Variants in NCKAP5 observed in about 807,000 individuals in gnomAD.
The protein encoded by NCKAP5 is nck-associated protein 5.
In NCKAP5, 92 loss-of-function variants were observed where a neutral mutation model predicts 167.0. The ratio of observed to expected loss-of-function variants is 0.55; its 90% CI spans 0.47 to 0.66. NCKAP5 has a LOEUF of 0.66. Among genes scored for constraint, NCKAP5 ranks in the 30% least tolerant of loss-of-function variants. The pLI is 0.00. For missense variants in NCKAP5, 2,378 were observed against 2,315.0 expected, an observed-to-expected ratio of 1.03 and a Z score of -0.56; for synonymous variants, 891 against 877.4, an observed-to-expected ratio of 1.02 and a Z score of -0.27.
At chr2:133,164,439 T>C (rs1179863771) in intron 5 of NCKAP5, among the ~76,000 whole-genome samples, 1 of 152,176 alleles carries the variant, frequency 6.6e-6, no homozygotes, top group East Asian at 1.9e-4. Flanking sequence ...GGTACCTCAT[T>C]TGCTTCCCTT....
chr2:133,548,316 C>T (rs1295064735), intron 2 of NCKAP5, among the ~76,000 whole-genome samples: 1 of 152,066 alleles, frequency 6.6e-6, no homozygotes, highest in Non-Finnish European at 1.5e-5. Flanking sequence ...AGGATATTAT[C>T]CAGCAGAACT....
chr2:133,366,603 T>TA (rs545201976), intron 3 of NCKAP5, among the ~76,000 whole-genome samples: 251 of 152,258 alleles, frequency 1.6e-3, no homozygotes, highest in Non-Finnish European at 2.6e-3. Context: ...CACCTGGCCT[T>TA]AAAAAAATAT....
intron 3 of NCKAP5, among the ~76,000 whole-genome samples, chr2:133,347,728 T>C (rs1266491937): frequency 6.6e-6 from 1 of 152,126 alleles, no homozygotes; most frequent in East Asian, 1.9e-4. Context: ...CTCTGACCTG[T>C]ATGTGTATTG....
At chr2:133,607,371 A>C in the NCKAP5 span, among the ~76,000 whole-genome samples, 1 of 152,184 alleles carries the variant, frequency 6.6e-6, no homozygotes, top group Non-Finnish European at 1.5e-5. Context: ...CTTGGATGGA[A>C]TAACATTGCA....
At chr2:133,492,171 T>TGTGTGTGTGTGTGTGTGTGTGTGTG (rs1266493354) in intron 3 of NCKAP5, among the ~76,000 whole-genome samples, 2 of 61,688 alleles carry the variant, frequency 3.2e-5, no homozygotes, top group Admixed American at 1.5e-4. Context: ...GTGTGTGTGT[T>TGTGTGTGTGTGTGTGTGTGTGTGTG]AAGGTCTATC....
At chr2:132,800,764 G>C (rs1400474509) in intron 11 of NCKAP5, among the ~76,000 whole-genome samples, 2 of 152,106 alleles carry the variant, frequency 1.3e-5, no homozygotes, top group Admixed American at 1.3e-4. Context: ...TGAGGAATTG[G>C]ACTGCCTCTC....
chr2:132,673,955 A>G (rs1684089558), intron 19 of NCKAP5, among the ~76,000 whole-genome samples: 1 of 152,156 alleles, frequency 6.6e-6, no homozygotes, highest in African/African-American at 2.4e-5. Context: ...ATACTGGGAT[A>G]TTACTGTTAT....
At chr2:133,102,027 G>A (rs2081530538) in intron 6 of NCKAP5, among the ~76,000 whole-genome samples, 1 of 152,218 alleles carries the variant, frequency 6.6e-6, no homozygotes, top group Non-Finnish European at 1.5e-5. Context: ...GACTGGAAAA[G>A]TGATTTTCAA....
chr2:133,189,478 C>G (rs1559244424), intron 5 of NCKAP5, among the ~76,000 whole-genome samples: 1 of 151,838 alleles, frequency 6.6e-6, no homozygotes, highest in South Asian at 2.1e-4. Flanking sequence ...AGAGACACAA[C>G]AAAAAAAGAG....
At chr2:133,279,451 A>C (rs540151135) in intron 4 of NCKAP5, among the ~76,000 whole-genome samples, 8 of 152,332 alleles carry the variant, frequency 5.3e-5, no homozygotes, top group African/African-American at 1.9e-4. Flanking sequence ...CAAAAATTTT[A>C]TTTTGGAAAA....
At chr2:133,663,093 C>T in the NCKAP5 span, among the ~76,000 whole-genome samples, 8 of 152,122 alleles carry the variant, frequency 5.3e-5, no homozygotes, top group East Asian at 3.9e-4. Flanking sequence ...GGCGAAACCC[C>T]GTCTCTACTA....
At chr2:133,309,261 G>A (rs537628246) in intron 3 of NCKAP5, among the ~76,000 whole-genome samples, 3 of 152,068 alleles carry the variant, frequency 2.0e-5, no homozygotes, top group Admixed American at 6.6e-5. Context: ...TTAAAGTAAT[G>A]GATATTATAT....
At chr2:133,501,903 T>A (rs2151388732) in intron 3 of NCKAP5, among the ~76,000 whole-genome samples, 1 of 152,350 alleles carries the variant, frequency 6.6e-6, no homozygotes, top group South Asian at 2.1e-4. Context: ...CATTTTCTAG[T>A]CCTCCTGGGA....
chr2:133,431,861 AG>A (rs1341103115), intron 3 of NCKAP5: 1 of 152,230 alleles, frequency 6.6e-6, no homozygotes, highest in African/African-American at 2.4e-5. Flanking sequence ...GATTGAGGAA[AG>A]GAATCAAATC....
intron 6 of NCKAP5, among the ~76,000 whole-genome samples, chr2:132,998,306 T>G (rs1193459157): frequency 6.6e-6 from 1 of 152,218 alleles, no homozygotes; most frequent in Non-Finnish European, 1.5e-5. Context: ...CCATTTTTCT[T>G]GGCTTTATAC....
intron 11 of NCKAP5, among the ~76,000 whole-genome samples, chr2:132,851,309 T>A (rs1421984835): frequency 6.6e-6 from 1 of 152,150 alleles, no homozygotes; most frequent in East Asian, 1.9e-4. Flanking sequence ...TAGATGGAAG[T>A]GGGGTGTGTC....
At chr2:133,644,752 C>T in the NCKAP5 span, among the ~76,000 whole-genome samples, 3 of 152,152 alleles carry the variant, frequency 2.0e-5, no homozygotes, top group Admixed American at 6.5e-5. Flanking sequence ...GTACTATTTA[C>T]AATTTTTTTT....
At chr2:133,536,837 T>C (rs773596037) in intron 2 of NCKAP5, among the ~76,000 whole-genome samples, 2 of 152,080 alleles carry the variant, frequency 1.3e-5, no homozygotes, top group Non-Finnish European at 2.9e-5. Context: ...ATCTGTTTTT[T>C]TATTGTTGCT....
the NCKAP5 span, among the ~76,000 whole-genome samples, chr2:133,624,513 C>T: frequency 1.3e-5 from 2 of 152,142 alleles, no homozygotes; most frequent in African/African-American, 4.8e-5. Context: ...ATCCCCCTTC[C>T]TCCCTTGGTG....
Sources: allele counts gnomAD v4.1 joint callset (sites outside exome capture counted in the v4.1 genomes callset), GRCh38; gene constraint gnomAD v4.1.1; transcripts MANE v1.5; gene names NCBI Gene and HGNC (gene_info 2026-07-23, HGNC 2026-07-21).